Variants in ARHGAP8 observed in about 807,000 individuals in gnomAD.
The protein encoded by ARHGAP8 is rho GTPase-activating protein 8.
ARHGAP8 carries 62 observed loss-of-function variants against 46.1 expected under a neutral mutation model. The observed-to-expected ratio is 1.34, with a 90% CI of 1.10 to 1.66. ARHGAP8 has a LOEUF of 1.66. Among genes scored for constraint, ARHGAP8 ranks in the 40% most tolerant of loss-of-function variants. The pLI, the probability that ARHGAP8 is intolerant of heterozygous loss-of-function variation, is 0.00. For missense variants in ARHGAP8, 923 were observed against 568.4 expected (o/e 1.62, Z -6.34); for synonymous variants, 375 against 243.1 (o/e 1.54, Z -5.05).
At chr22:44,851,443 G>T (rs1245592754) in intron 10 of ARHGAP8, among the ~76,000 whole-genome samples, 2 of 151,684 alleles carry the variant, frequency 1.3e-5, no homozygotes, top group South Asian at 2.1e-4. Context: ...ACAGTGTCTC[G>T]CTCTGTCGCC....
At chr22:44,808,640 A>G (rs115623315) in intron 4 of ARHGAP8, 1 of 806,626 alleles carries the variant, frequency 1.2e-6, no homozygotes, top group Admixed American at 2.2e-5. Flanking sequence ...GTTGGCACTC[A>G]TTTTTTTTTT....
At chr22:44,767,436 A>G (rs956786473) in intron 1 of ARHGAP8, among the ~76,000 whole-genome samples, 3 of 152,104 alleles carry the variant, frequency 2.0e-5, no homozygotes, top group Non-Finnish European at 4.4e-5. Flanking sequence ...ACAGAAAGAT[A>G]TTCTCCCGTA....
At chr22:44,853,547 C>T (rs1190303693) in intron 10 of ARHGAP8, among the ~76,000 whole-genome samples, 1 of 152,204 alleles carries the variant, frequency 6.6e-6, no homozygotes, top group Non-Finnish European at 1.5e-5. Flanking sequence ...CGTTGCTTCT[C>T]TCTTGATTCT....
intron 3 of ARHGAP8, among the ~76,000 whole-genome samples, chr22:44,807,258 G>A (rs1041725011): frequency 3.3e-5 from 5 of 152,214 alleles, no homozygotes; most frequent in Admixed American, 6.5e-5. Context: ...CTGGTGGAGG[G>A]TTAGGGGGTC....
intron 5 of ARHGAP8, among the ~76,000 whole-genome samples, chr22:44,818,902 TTGCCC>T (rs1929941020): frequency 6.6e-6 from 1 of 152,158 alleles, no homozygotes; most frequent in East Asian, 1.9e-4. Context: ...TCTCGCTATG[TTGCCC>T]AGGCTGGACT....
At chr22:44,817,471 A>T (rs79600046) in intron 5 of ARHGAP8, among the ~76,000 whole-genome samples, 2 of 152,366 alleles carry the variant, frequency 1.3e-5, no homozygotes, top group African/African-American at 2.4e-5. Context: ...GACATATTTG[A>T]CATAGCAAAA....
At chr22:44,767,909 C>T (rs530769631) in intron 1 of ARHGAP8, among the ~76,000 whole-genome samples, 1 of 141,744 alleles carries the variant, frequency 7.1e-6, no homozygotes, top group East Asian at 2.2e-4. Flanking sequence ...ATGACATCAA[C>T]ATTTAAAGCA....
chr22:44,824,715 C>G (rs1180757852), intron 6 of ARHGAP8, among the ~76,000 whole-genome samples: 1 of 151,300 alleles, frequency 6.6e-6, no homozygotes, highest in African/African-American at 2.4e-5. Flanking sequence ...TCTCTGCAAC[C>G]TCCACCTCCT....
At chr22:44,861,094 C>T (rs111395781) in intron 11 of ARHGAP8, among the ~76,000 whole-genome samples, 8 of 152,300 alleles carry the variant, frequency 5.3e-5, no homozygotes, top group African/African-American at 1.9e-4. Flanking sequence ...ACCCCAGCCT[C>T]CCACGTAGCT....
At chr22:44,841,400 G>A (rs1931644467) in intron 7 of ARHGAP8, among the ~76,000 whole-genome samples, 2 of 152,162 alleles carry the variant, frequency 1.3e-5, no homozygotes, top group Non-Finnish European at 2.9e-5. Context: ...CCGCCCATGT[G>A]ACAGGAGAGG....
intron 2 of ARHGAP8, among the ~76,000 whole-genome samples, chr22:44,801,254 G>A (rs1928509492): frequency 1.8e-5 from 2 of 108,546 alleles, no homozygotes; most frequent in East Asian, 2.9e-4. Context: ...GCCTCTCCCC[G>A]CAGCTGTCTA....
chr22:44,804,625 G>A (rs1054180832), intron 3 of ARHGAP8, among the ~76,000 whole-genome samples: 8 of 152,174 alleles, frequency 5.3e-5, no homozygotes, highest in Non-Finnish European at 1.0e-4. Context: ...TGACCCTGGC[G>A]GGGAGGCTGT....
At chr22:44,779,097 C>CT (rs532665716) in intron 1 of ARHGAP8, among the ~76,000 whole-genome samples, 283 of 26,118 alleles carry the variant, frequency 0.011, 5 homozygotes, top group Middle Eastern at 0.038. Flanking sequence ...TGGTCTCTGA[C>CT]TTTTTTTTTT....
At chr22:44,794,659 G>A (rs1287514748) in intron 2 of ARHGAP8, among the ~76,000 whole-genome samples, 3 of 152,060 alleles carry the variant, frequency 2.0e-5, no homozygotes, top group Non-Finnish European at 4.4e-5. Flanking sequence ...GCTGTGAGCC[G>A]AGATTGGGCC....
At chr22:44,837,202 G>A (rs1172105121) in intron 7 of ARHGAP8, among the ~76,000 whole-genome samples, 1 of 152,180 alleles carries the variant, frequency 6.6e-6, no homozygotes, top group Non-Finnish European at 1.5e-5. Flanking sequence ...TTTTTAATTA[G>A]TCACAATTTC....
chr22:44,843,972 TAGAG>T (rs199636969), intron 7 of ARHGAP8, among the ~76,000 whole-genome samples: 1,560 of 152,102 alleles, frequency 0.01, 37 homozygotes, highest in African/African-American at 0.036. Context: ...CATATATACA[TAGAG>T]AGAAGAGGGA....
chr22:44,855,581 C>T (rs753610350), intron 10 of ARHGAP8, among the ~76,000 whole-genome samples: 1 of 152,106 alleles, frequency 6.6e-6, no homozygotes, highest in South Asian at 2.1e-4. Flanking sequence ...TTTTCTTTGG[C>T]CAGTTTGTTT....
chr22:44,862,599 T>C lies in ARHGAP8; in HGVS notation c.*4T>C. 1 of 1,560,074 alleles carries C rather than the reference T, an allele frequency of 6.4e-7. No homozygotes were observed. The highest frequency in any genetic ancestry group is 1.2e-5 in the South Asian group (1 of 85,036). On this transcript the variant is annotated 3_prime_UTR_variant, in exon 12 of 12. Transcript: ENST00000356099. ...GGCAGCCAGAAGACGTCTCTAGTGT[T>C]GCGAACACTCTGTATATTTCGAGCT...
intron 5 of ARHGAP8, among the ~76,000 whole-genome samples, chr22:44,818,571 C>T (rs1929915525): frequency 6.6e-6 from 1 of 152,210 alleles, no homozygotes; most frequent in Admixed American, 6.5e-5. Context: ...TTACCCTCAA[C>T]AAAAGAGCCA....
Sources: gnomAD v4.1 joint callset for allele counts (sites outside exome capture counted in the v4.1 genomes callset) on GRCh38, gnomAD v4.1.1 for gene constraint, MANE v1.5 for transcripts, NCBI Gene and HGNC (gene_info 2026-07-23, HGNC 2026-07-21) for gene names.